Variants in FNDC3B observed in about 807,000 individuals in gnomAD.
The protein encoded by FNDC3B is fibronectin type III domain containing 3B, also known as fibronectin type III domain-containing protein 3B.
Under a neutral mutation model 151.5 loss-of-function variants are expected in FNDC3B, and 12 were observed. The observed-to-expected ratio is 0.08, with a 90% CI of 0.05 to 0.13. The LOEUF is 0.13. Ranked by LOEUF, FNDC3B falls within the 10% of genes least tolerant of loss-of-function variation. FNDC3B has a pLI of 1.00. For synonymous variants in FNDC3B, 528 were observed against 549.0 expected, an observed-to-expected ratio of 0.96 and a Z score of 0.54; for missense variants, 1,214 against 1,505.3, an observed-to-expected ratio of 0.81 and a Z score of 3.20.
intron 1 of FNDC3B, among the ~76,000 whole-genome samples, chr3:172,089,015 G>T (rs1718684571): frequency 6.6e-6 from 1 of 152,110 alleles, no homozygotes; most frequent in African/African-American, 2.4e-5. Context: ...GACAAAAAAG[G>T]CATTGACAAG....
At chr3:172,365,520 C>T (rs1388440756) in intron 23 of FNDC3B, among the ~76,000 whole-genome samples, 1 of 152,166 alleles carries the variant, frequency 6.6e-6, no homozygotes, top group Non-Finnish European at 1.5e-5. Context: ...TCCCAAAGAG[C>T]ATCTTGTGCG....
intron 23 of FNDC3B, among the ~76,000 whole-genome samples, chr3:172,366,089 A>G (rs926609771): frequency 6.6e-6 from 1 of 152,130 alleles, no homozygotes; most frequent in South Asian, 2.1e-4. Flanking sequence ...AGTTTCTGCT[A>G]TTCATAAAAA....
intron 3 of FNDC3B, among the ~76,000 whole-genome samples, chr3:172,161,357 A>G (rs966819403): frequency 1.3e-5 from 2 of 152,242 alleles, no homozygotes; most frequent in Non-Finnish European, 2.9e-5. Flanking sequence ...CCTCTCATGG[A>G]GAGTCCTGGA....
intron 1 of FNDC3B, among the ~76,000 whole-genome samples, chr3:172,084,482 CACAT>C (rs1369781156): frequency 2.6e-5 from 4 of 151,750 alleles, no homozygotes; most frequent in South Asian, 2.1e-4. Flanking sequence ...TACACACACA[CACAT>C]ACACACACAC....
chr3:172,097,237 G>C (rs558691924), intron 1 of FNDC3B, among the ~76,000 whole-genome samples: 1 of 152,248 alleles, frequency 6.6e-6, no homozygotes, highest in African/African-American at 2.4e-5. Flanking sequence ...CTCTTTTTTA[G>C]CTGTTTGGGT....
chr3:172,306,270 CA>C (rs1731194296), intron 9 of FNDC3B, among the ~76,000 whole-genome samples: 1 of 152,114 alleles, frequency 6.6e-6, no homozygotes, highest in Admixed American at 6.5e-5. Context: ...GCAGGATGAA[CA>C]AGGGGAATAG....
At chr3:172,378,192 C>T in intron 23 of FNDC3B, 78 bp from the exon 24 acceptor site, 1 of 1,346,524 alleles carries the variant, frequency 7.4e-7, no homozygotes, top group Non-Finnish European at 1.0e-6. Flanking sequence ...CTAATCTGCT[C>T]CATTAGTTTG....
At chr3:172,187,427 T>A (rs1042740616) in intron 3 of FNDC3B, 1 of 152,236 alleles carries the variant, frequency 6.6e-6, no homozygotes, top group Non-Finnish European at 1.5e-5. Flanking sequence ...CTCTGCCCCT[T>A]GGTGGGATGC....
rs149924330 is a variant in FNDC3B, at chr3:172,225,420, T to C, written c.188-1451T>C. 244 of 224,720 alleles carry C rather than the reference T, an allele frequency of 1.1e-3. 1 individual carries two copies. Among genetic ancestry groups the C allele is most frequent in the African/African-American group, 5.3e-3 (230 of 43,330 alleles). 13.9% of individuals were successfully genotyped at this position (224,720 alleles called of 1,614,324 possible). A position where few individuals can be genotyped will look rare whatever the true frequency, so the allele number is the denominator to read the frequency against. Reference sequence around the variant, plus strand: ...ACTCCTGGGCTCAAGTGAGCCACAGTGCTGAGCCTTGTCTTCTGGTTTGTT... The same window carrying C: ...ACTCCTGGGCTCAAGTGAGCCACAGCGCTGAGCCTTGTCTTCTGGTTTGTT... On this transcript the variant is annotated intron_variant, in intron 3 of 25. Coordinates refer to ENST00000415807, the MANE Select transcript of FNDC3B (RefSeq NM_022763.4).
At chr3:172,080,443 A>ATT (rs1553758865) in intron 1 of FNDC3B, among the ~76,000 whole-genome samples, 183 of 149,330 alleles carry the variant, frequency 1.2e-3, no homozygotes, top group Admixed American at 3.5e-3. Flanking sequence ...GCTAATTTAA[A>ATT]TTTTTTTTTT....
At chr3:172,052,754 A>T (rs928860041) in intron 1 of FNDC3B, among the ~76,000 whole-genome samples, 44 of 152,110 alleles carry the variant, frequency 2.9e-4, no homozygotes, top group Non-Finnish European at 1.2e-4. Context: ...AAGTTTGGGG[A>T]ACTCGGAGTT....
intron 6 of FNDC3B, among the ~76,000 whole-genome samples, chr3:172,270,280 T>C (rs746135396): frequency 6.6e-6 from 1 of 152,244 alleles, no homozygotes; most frequent in African/African-American, 2.4e-5. Context: ...TTAAAATTCG[T>C]TCTCTGCACA....
chr3:172,253,187 G>A (rs1217155050), intron 6 of FNDC3B, among the ~76,000 whole-genome samples: 2 of 152,200 alleles, frequency 1.3e-5, no homozygotes, highest in Admixed American at 6.5e-5. Flanking sequence ...TAAGGGAAAT[G>A]ACTTAGACAC....
intron 3 of FNDC3B, among the ~76,000 whole-genome samples, chr3:172,184,076 A>G (rs1468449831): frequency 6.6e-6 from 1 of 152,240 alleles, no homozygotes; most frequent in Non-Finnish European, 1.5e-5. Flanking sequence ...AGTAATTTAT[A>G]AAGTAAATAC....
At chr3:172,198,037 C>T (rs1443042840) in intron 3 of FNDC3B, among the ~76,000 whole-genome samples, 3 of 152,166 alleles carry the variant, frequency 2.0e-5, no homozygotes, top group Non-Finnish European at 1.5e-5. Flanking sequence ...TGTTACAATT[C>T]AATGGGTTAT....
At chr3:172,185,854 C>G (rs1333744785) in intron 3 of FNDC3B, among the ~76,000 whole-genome samples, 1 of 152,160 alleles carries the variant, frequency 6.6e-6, no homozygotes, top group African/African-American at 2.4e-5. Context: ...ACTTTCTTTG[C>G]CACTCTCAAA....
At chr3:172,291,766 A>AGG (rs1730355474) in intron 7 of FNDC3B, among the ~76,000 whole-genome samples, 1 of 152,142 alleles carries the variant, frequency 6.6e-6, no homozygotes, top group South Asian at 2.1e-4. Flanking sequence ...TTGAGGGGTG[A>AGG]GGGGAACAAA....
chr3:172,381,097 A>G lies in FNDC3B; in HGVS notation c.3303+4A>G. ...AAGAGAATCTGAGTACAAACAGGTA[A>G]GAACCAGTGTGCATGGCACATGTGC... On this transcript the variant is annotated splice_donor_region_variant and intron_variant, in intron 25 of 25. Transcript: ENST00000415807. The G allele has an allele frequency of 6.2e-7, 1 of 1,613,218 alleles. No individual in the cohort carries two copies. The highest frequency in any genetic ancestry group is 1.1e-5 in the South Asian group (1 of 91,054).
chr3:172,072,626 T>C (rs1011372738), intron 1 of FNDC3B, among the ~76,000 whole-genome samples: 3 of 152,192 alleles, frequency 2.0e-5, no homozygotes, highest in African/African-American at 7.2e-5. Context: ...ATTTTCAGCC[T>C]TGTAGATGAG....
Sources: gnomAD v4.1 joint callset for allele counts (sites outside exome capture counted in the v4.1 genomes callset) on GRCh38, gnomAD v4.1.1 for gene constraint, MANE v1.5 for transcripts, NCBI Gene and HGNC (gene_info 2026-07-23, HGNC 2026-07-21) for gene names.